Variants in DMD observed in about 807,000 individuals in gnomAD.
The protein encoded by DMD is dystrophin.
A neutral mutation model predicts 330.1 loss-of-function variants in DMD; 63 were observed. The observed-to-expected ratio is 0.19, with a 90% CI of 0.16 to 0.24. The LOEUF is 0.24. DMD is among the 10% of genes least tolerant of loss of function. DMD has a pLI of 1.00. For synonymous variants in DMD, 1,223 were observed against 959.8 expected, an observed-to-expected ratio of 1.27 and a Z score of -5.07; for missense variants, 3,344 against 2,684.1, an observed-to-expected ratio of 1.25 and a Z score of -5.43.
At position 32,832,592 on chromosome X, in the gene DMD, C is replaced by T. The variant is rs920130578; in HGVS notation, c.265-9205G>A. On this transcript the variant is annotated intron_variant, in intron 4 of 78. Coordinates refer to ENST00000357033, the MANE Select transcript of DMD (RefSeq NM_004006.3). ...AAGACTTCTCCATATTCAAGAGAAACTTCTCAAGTATTCATACAATCCTTC... is the reference window on the plus strand; with the variant it reads ...AAGACTTCTCCATATTCAAGAGAAATTTCTCAAGTATTCATACAATCCTTC... Among the ~76,000 whole-genome samples, 6 of 111,343 alleles carry T rather than the reference C, an allele frequency of 5.4e-5. No homozygotes were observed. In the Admixed American group the frequency reaches 5.8e-4, roughly 11 times the overall value.
Position 32,702,323 on chromosome X carries a change from G to C in DMD, c.650-3030C>G, listed in dbSNP as rs1309536562. The stretch of plus-strand genomic sequence containing the variant: ...GGCAATTCTCTTTAAATAGGAAACT[G>C]AATTAATTATGCATAGGATTTCAAT... On this transcript the variant is annotated intron_variant, in intron 7 of 78. Coordinates refer to ENST00000357033, the MANE Select transcript of DMD (RefSeq NM_004006.3). Among the ~76,000 whole-genome samples, 33 of 111,801 alleles carry C rather than the reference G, an allele frequency of 3.0e-4. No homozygotes were observed. In the Admixed American group the frequency reaches 3.0e-3, roughly 10 times the overall value.
intron 11 of DMD, among the ~76,000 whole-genome samples, chrX:32,635,928 T>C (rs1468553176): frequency 8.9e-6 from 1 of 111,751 alleles, no homozygotes; most frequent in Non-Finnish European, 1.9e-5. Context: ...CCTCAGCATC[T>C]GTGAAGCTGT....
intron 11 of DMD, among the ~76,000 whole-genome samples, chrX:32,630,720 T>C (rs1219534160): frequency 8.9e-6 from 1 of 111,979 alleles, no homozygotes; most frequent in African/African-American, 3.2e-5. Context: ...GGATTCTGAA[T>C]TCCTTCTCTG....
At chrX:31,131,406 TGTG>T in intron 77 of DMD, among the ~76,000 whole-genome samples, 1 of 111,591 alleles carries the variant, frequency 9.0e-6, no homozygotes, top group African/African-American at 3.2e-5. Context: ...ACACTGTAAA[TGTG>T]TGTGTGTACA....
chrX:33,332,572 ATT>A (rs1243273771), intron 1 of DMD, among the ~76,000 whole-genome samples: 1 of 111,314 alleles, frequency 9.0e-6, no homozygotes, highest in Non-Finnish European at 1.9e-5. Flanking sequence ...TAGCATAAAT[ATT>A]TTAAAGACTT....
At chrX:32,177,628 ATC>A (rs774578450) in intron 44 of DMD, among the ~76,000 whole-genome samples, 3 of 104,581 alleles carry the variant, frequency 2.9e-5, no homozygotes, top group East Asian at 3.1e-4. Context: ...CTCTCTCTCA[ATC>A]TCTCTCTCTC....
intron 44 of DMD, among the ~76,000 whole-genome samples, chrX:32,118,698 C>A (rs1043033244): frequency 1.8e-5 from 2 of 109,969 alleles, no homozygotes; most frequent in Admixed American, 9.7e-5. Flanking sequence ...AAACCATCGC[C>A]CTATAGCAGC....
intron 60 of DMD, among the ~76,000 whole-genome samples, chrX:31,370,853 G>A (rs1266689138): frequency 8.9e-6 from 1 of 111,995 alleles, no homozygotes; most frequent in Non-Finnish European, 1.9e-5. Context: ...ACGATAAAAA[G>A]GAAACAAGTC....
intron 1 of DMD, among the ~76,000 whole-genome samples, chrX:33,065,537 A>C (rs1290913535): frequency 8.9e-6 from 1 of 112,400 alleles, no homozygotes. Flanking sequence ...TTAGGATGAA[A>C]TTATGAAATG....
intron 43 of DMD, among the ~76,000 whole-genome samples, chrX:32,227,200 GTGAA>G (rs2097150896): frequency 1.1e-5 from 1 of 94,453 alleles, no homozygotes; most frequent in African/African-American, 3.9e-5. Context: ...TTATATGTGT[GTGAA>G]TGAATGTATT....
intron 9 of DMD, among the ~76,000 whole-genome samples, chrX:32,670,100 A>C (rs1319373189): frequency 8.9e-6 from 1 of 111,879 alleles, no homozygotes; most frequent in Admixed American, 9.5e-5. Context: ...CTACCTGCTA[A>C]GCCAAGATTT....
intron 1 of DMD, among the ~76,000 whole-genome samples, chrX:33,237,306 C>T (rs1569559030): frequency 2.8e-5 from 3 of 106,122 alleles, no homozygotes; most frequent in African/African-American, 6.9e-5. Context: ...TACAATGGCG[C>T]GATCTCGGCT....
At chrX:32,171,788 C>T (rs1822679773) in intron 44 of DMD, among the ~76,000 whole-genome samples, 2 of 111,380 alleles carry the variant, frequency 1.8e-5, no homozygotes, top group South Asian at 3.7e-4. Flanking sequence ...TTTCAGAATT[C>T]GTTTTTATCA....
At chrX:33,023,219 T>C in intron 1 of DMD, among the ~76,000 whole-genome samples, 1 of 112,113 alleles carries the variant, frequency 8.9e-6, no homozygotes, top group Non-Finnish European at 1.9e-5. Context: ...TCTTTTTCAC[T>C]TATTTTATCA....
At chrX:32,138,997 A>G (rs1200387022) in intron 44 of DMD, among the ~76,000 whole-genome samples, 1 of 112,347 alleles carries the variant, frequency 8.9e-6, no homozygotes, top group African/African-American at 3.2e-5. Context: ...TTTTTTTGGA[A>G]ACCAAAAGAA....
chrX:31,987,300 C>T (rs762726557), intron 44 of DMD, among the ~76,000 whole-genome samples: 13 of 111,570 alleles, frequency 1.2e-4, no homozygotes, highest in Non-Finnish European at 1.9e-4. Context: ...GGGTAGAAAC[C>T]TTCAAAACCC....
At chrX:32,804,320 T>A (rs1186023065) in intron 7 of DMD, among the ~76,000 whole-genome samples, 1 of 111,665 alleles carries the variant, frequency 9.0e-6, no homozygotes, top group African/African-American at 3.3e-5. Context: ...GAGGCTTGAG[T>A]AGGCGGTTTT....
At chrX:33,272,802 A>G (rs893736917) in intron 1 of DMD, among the ~76,000 whole-genome samples, 1 of 111,976 alleles carries the variant, frequency 8.9e-6, no homozygotes, top group Admixed American at 9.5e-5. Context: ...TCTGTGAGAC[A>G]AAATGAAAGG....
At chrX:31,648,992 T>C (rs1167258703) in intron 54 of DMD, among the ~76,000 whole-genome samples, 1 of 111,401 alleles carries the variant, frequency 9.0e-6, no homozygotes, top group Non-Finnish European at 1.9e-5. Flanking sequence ...TAAAGAAGTC[T>C]TTCTGAGAAT....
Sources: allele counts gnomAD v4.1 joint callset (sites outside exome capture counted in the v4.1 genomes callset), GRCh38; gene constraint gnomAD v4.1.1; transcripts MANE v1.5; gene names NCBI Gene and HGNC (gene_info 2026-07-23, HGNC 2026-07-21).